EFHC1: variants seen among roughly 807,000 people sequenced by gnomAD.
The protein encoded by EFHC1 is EF-hand domain-containing protein 1.
EFHC1 carries 53 observed loss-of-function variants against 69.9 expected under a neutral mutation model. The ratio of observed to expected loss-of-function variants is 0.76; its 90% CI spans 0.61 to 0.95. The LOEUF is 0.95. EFHC1 is among the 40% of genes least tolerant of loss of function. EFHC1 has a pLI of 0.00. For missense variants in EFHC1, 739 were observed against 798.7 expected, an observed-to-expected ratio of 0.93 and a Z score of 0.90; for synonymous variants, 256 against 278.4, an observed-to-expected ratio of 0.92 and a Z score of 0.80.
intron 7 of EFHC1, among the ~76,000 whole-genome samples, chr6:52,471,940 A>G (rs72923502): frequency 0.033 from 5,045 of 151,622 alleles, 98 homozygotes; most frequent in Middle Eastern, 0.054. Flanking sequence ...TTTGTTTACC[A>G]TGTTTAAGGA....
intron 3 of EFHC1, among the ~76,000 whole-genome samples, chr6:52,444,589 A>G (rs564580269): frequency 6.6e-6 from 1 of 152,300 alleles, no homozygotes; most frequent in African/African-American, 2.4e-5. Flanking sequence ...GATGGATTCC[A>G]TTTATTGATT....
At chr6:52,481,528 CTCTCTCTCTCTCGACAGGA>C (rs1296235261) in intron 9 of EFHC1, 4 of 152,096 alleles carry the variant, frequency 2.6e-5, no homozygotes, top group Admixed American at 6.6e-5. Context: ...CTCTCTCTCT[CTCTCTCTCTCTCGACAGGA>C]TCTCGCTCTG....
chr6:52,465,172 T>A, intron 6 of EFHC1, 57 bp downstream of exon 6: 5 of 1,492,464 alleles, frequency 3.4e-6, no homozygotes, highest in Admixed American at 3.6e-5. Flanking sequence ...AGGTAGAAAT[T>A]TAAGAAAAAA....
At chr6:52,440,488 G>A (rs899248721) in intron 3 of EFHC1, among the ~76,000 whole-genome samples, 1 of 151,980 alleles carries the variant, frequency 6.6e-6, no homozygotes, top group Admixed American at 6.6e-5. Flanking sequence ...TCATGTATAT[G>A]TATATGTATG....
intron 3 of EFHC1, among the ~76,000 whole-genome samples, chr6:52,446,831 G>A (rs1412940922): frequency 6.6e-6 from 1 of 152,054 alleles, no homozygotes; most frequent in African/African-American, 2.4e-5. Flanking sequence ...GCTTAGTTTG[G>A]CTGGATATGA....
chr6:52,433,422 C>T (rs904184634), intron 2 of EFHC1, among the ~76,000 whole-genome samples: 1 of 152,126 alleles, frequency 6.6e-6, no homozygotes, highest in Non-Finnish European at 1.5e-5. Flanking sequence ...TTCTGAGAGC[C>T]GAGCTGTAGT....
chr6:52,492,352 A>G lies in EFHC1; in HGVS notation c.*11A>G, dbSNP rs1238635318. The G allele has an allele frequency of 6.2e-7, 1 of 1,612,608 alleles. No individual in the cohort carries two copies. Among genetic ancestry groups the G allele is most frequent in the South Asian group, 1.1e-5 (1 of 90,956 alleles). ...GCTTTCTCAAACTGACCTGCTGATG[A>G]GAAAATGCAAGACAATTTTTGATAC... On this transcript the variant is annotated 3_prime_UTR_variant, in exon 11 of 11. Transcript: ENST00000371068.
chr6:52,478,496 ACT>A (rs1765593563), intron 7 of EFHC1, among the ~76,000 whole-genome samples: 1 of 152,146 alleles, frequency 6.6e-6, no homozygotes, highest in African/African-American at 2.4e-5. Flanking sequence ...ATTTTATATT[ACT>A]CTTATCCCTT....
At chr6:52,463,551 G>A (rs998183031) in intron 5 of EFHC1, among the ~76,000 whole-genome samples, 3 of 152,032 alleles carry the variant, frequency 2.0e-5, no homozygotes, top group African/African-American at 7.3e-5. Flanking sequence ...ATTTAAAAAG[G>A]CCAGTGAAAC....
chr6:52,469,121 A>G, intron 6 of EFHC1: 1 of 586,644 alleles, frequency 1.7e-6, no homozygotes. Context: ...TTAGAGCATC[A>G]TCAGTTACTT....
chr6:52,474,749 A>G (rs1765509798), intron 7 of EFHC1, among the ~76,000 whole-genome samples: 1 of 152,212 alleles, frequency 6.6e-6, no homozygotes, highest in Non-Finnish European at 1.5e-5. Context: ...ACACAAAAGA[A>G]TGCATACATA....
At chr6:52,447,098 A>G (rs1167869766) in intron 3 of EFHC1, among the ~76,000 whole-genome samples, 1 of 152,132 alleles carries the variant, frequency 6.6e-6, no homozygotes, top group Non-Finnish European at 1.5e-5. Context: ...CCTGAATTTG[A>G]ATGTTAGCCT....
chr6:52,468,884 T>C (rs945262800), intron 6 of EFHC1: 13 of 184,618 alleles, frequency 7.0e-5, no homozygotes, highest in African/African-American at 3.1e-4. Flanking sequence ...ACAAATTTAA[T>C]AGTCCTTTGT....
chr6:52,490,294 T>C lies in EFHC1; in HGVS notation c.1795T>C (p.Phe599Leu). 1.2e-6 allele frequency: 2 copies of C among 1,614,152 alleles called. No individual in the cohort carries two copies. Among genetic ancestry groups the C allele is most frequent in the Non-Finnish European group, 1.7e-6 (2 of 1,180,004 alleles). Residue 599 changes from phenylalanine to leucine, a missense_variant, in exon 10 of 11, where the codon TTC becomes CTC. Coordinates refer to ENST00000371068, the MANE Select transcript of EFHC1 (RefSeq NM_018100.4). Reference sequence around the variant, plus strand: ...TTCAGGATATGTGGACAGAGACATGTTCTTTAAAATCTGTGAATCGCTTAA... The same window carrying C: ...TTCAGGATATGTGGACAGAGACATGCTCTTTAAAATCTGTGAATCGCTTAA... Reference protein sequence around the residue: ...EASGYVDRDMFFKICESLNVP... With the variant: ...EASGYVDRDMLFKICESLNVP...
rs1266698847 is a variant in EFHC1 at position 52,464,888 on chromosome 6, A to C, written c.917-7A>C. The C allele has an allele frequency of 2.5e-6, 4 of 1,609,522 alleles. No homozygotes were observed. Among genetic ancestry groups the C allele is most frequent in the Admixed American group, 3.3e-5 (2 of 59,984 alleles). On this transcript the variant is annotated splice_region_variant and splice_polypyrimidine_tract_variant and intron_variant, in intron 5 of 10. Transcript: ENST00000371068. ...CTTTTTTTCTCTCTAACACCATCTT[A>C]TATTAGAGAACTTCCCTCAGTGTGT...
At chr6:52,437,021 C>T (rs1764549644) in intron 2 of EFHC1, among the ~76,000 whole-genome samples, 2 of 152,104 alleles carry the variant, frequency 1.3e-5, no homozygotes, top group African/African-American at 2.4e-5. Flanking sequence ...CCCCAGAGGA[C>T]CAATGGTTTG....
At chr6:52,479,843 T>G (rs1166641820) in intron 9 of EFHC1, 56 bp downstream of exon 9, 1 of 1,606,390 alleles carries the variant, frequency 6.2e-7, no homozygotes, top group Non-Finnish European at 8.5e-7. Flanking sequence ...AAGTAATTCT[T>G]GAGAAAACAA....
Position 52,422,573 on chromosome 6 carries a change from A to T in EFHC1, c.64-1373A>T, listed in dbSNP as rs187362013. 1.3e-3 allele frequency among the ~76,000 whole-genome samples: 193 copies of T among 152,300 alleles called. 1 individual carries two copies. The highest frequency in any genetic ancestry group is 4.4e-3 in the African/African-American group (181 of 41,574). On this transcript the variant is annotated intron_variant, in intron 1 of 10. Coordinates refer to ENST00000371068, the MANE Select transcript of EFHC1 (RefSeq NM_018100.4). ...AGATGGTAGGCTGGGCTCTAAAGCA[A>T]TTAGGATGTAGAAAGTTTTTTTCAT...
intron 6 of EFHC1, among the ~76,000 whole-genome samples, chr6:52,466,054 A>G (rs187841940): frequency 1.1e-3 from 160 of 152,158 alleles, no homozygotes; most frequent in African/African-American, 3.7e-3. Flanking sequence ...ATAAAAAAAT[A>G]AAGTGTGAGG....
Sources: gnomAD v4.1 joint callset for allele counts (sites outside exome capture counted in the v4.1 genomes callset) on GRCh38, gnomAD v4.1.1 for gene constraint, MANE v1.5 for transcripts, NCBI Gene and HGNC (gene_info 2026-07-23, HGNC 2026-07-21) for gene names.